The following SLC49A4 variants were observed in gnomAD, a reference collection of about 807,000 sequenced individuals.
SLC49A4 encodes the protein solute carrier family 49 member 4, also known as disrupted in renal cancer protein 2.
Under a neutral mutation model 50.6 loss-of-function variants are expected in SLC49A4, and 36 were observed. That is an observed-to-expected ratio of 0.71 (90% CI 0.55 to 0.94). SLC49A4 has a LOEUF of 0.94. Among genes scored for constraint, SLC49A4 ranks in the 40% least tolerant of loss-of-function variants. The pLI, the probability that SLC49A4 is intolerant of heterozygous loss-of-function variation, is 0.00. For missense variants in SLC49A4, 503 were observed against 605.7 expected (o/e 0.83, Z 1.78); for synonymous variants, 248 against 241.2 (o/e 1.03, Z -0.26).
chr3:122,873,591 A>G (rs1399581739), intron 8 of SLC49A4, among the ~76,000 whole-genome samples: 3 of 152,236 alleles, frequency 2.0e-5, no homozygotes, highest in African/African-American at 4.8e-5. Context: ...TGAATTTCTT[A>G]ATATAATGAA....
chr3:122,818,692 C>T (rs1181608574), intron 2 of SLC49A4, among the ~76,000 whole-genome samples: 1 of 152,014 alleles, frequency 6.6e-6, no homozygotes, highest in African/African-American at 2.4e-5. Context: ...ACTTGTAATC[C>T]CAGCACTTTG....
At chr3:122,801,411 A>G (rs1936126063) in intron 1 of SLC49A4, among the ~76,000 whole-genome samples, 1 of 151,984 alleles carries the variant, frequency 6.6e-6, no homozygotes, top group Admixed American at 6.6e-5. Context: ...GCCAACATGT[A>G]GAAACCCCCT....
chr3:122,844,429 A>G (rs898197679), intron 4 of SLC49A4, among the ~76,000 whole-genome samples: 3 of 152,192 alleles, frequency 2.0e-5, no homozygotes, highest in Non-Finnish European at 4.4e-5. Flanking sequence ...TATCTGTATA[A>G]TAAACATTGA....
In SLC49A4 at chr3:122,795,117, A is replaced by C. The variant is rs891406; in HGVS notation, c.-76A>C. 1,102,012 of 1,250,040 alleles carry C rather than the reference A, an allele frequency of 0.88. 486,192 individuals are homozygous for C. The highest frequency in any genetic ancestry group is 0.99 in the East Asian group (30,625 of 31,082). The allele number at this position is 1,250,040 out of a possible 1,614,324, so 77.4% of individuals were successfully genotyped here. On this transcript the variant is annotated 5_prime_UTR_variant, in exon 1 of 9. Coordinates refer to ENST00000261038, the MANE Select transcript of SLC49A4 (RefSeq NM_032839.3). ...CAGCAGCCTCCGCCTCCTGCTGCTC[A>C]GGACTATTCTGCGCTGGGCTAGTCG...
chr3:122,822,053 A>T (rs1410252410), intron 2 of SLC49A4, among the ~76,000 whole-genome samples: 3 of 152,094 alleles, frequency 2.0e-5, no homozygotes, highest in Non-Finnish European at 4.4e-5. Context: ...CCTTAGCGCT[A>T]TGGGAGTGAG....
chr3:122,795,260 T>G lies in SLC49A4; in HGVS notation c.68T>G (p.Leu23Arg). 2 of 1,394,562 alleles carry G rather than the reference T, an allele frequency of 1.4e-6. No homozygotes were observed. Among genetic ancestry groups the G allele is most frequent in the Non-Finnish European group, 1.8e-6 (2 of 1,087,444 alleles). 86.4% of individuals were successfully genotyped at this position (1,394,562 alleles called of 1,614,324 possible). ...PLLGPGLGPG[L>R]GASWRSREAA... Reference sequence around the variant, plus strand: ...CTGGGGCCCGGGCTCGGGCCTGGGCTGGGGGCCTCCTGGAGAAGCCGGGAG... The same window carrying G: ...CTGGGGCCCGGGCTCGGGCCTGGGCGGGGGGCCTCCTGGAGAAGCCGGGAG... The change falls in exon 1 of 9, where the codon CTG (leucine) becomes CGG (arginine). Residue 23 changes from leucine to arginine, a missense_variant. Physicochemically the swap from Leu to Arg is moderately radical, Grantham distance 102. Transcript: ENST00000261038.
chr3:122,860,529 AAATAAT>A (rs1020166677), intron 7 of SLC49A4, among the ~76,000 whole-genome samples: 12 of 152,200 alleles, frequency 7.9e-5, no homozygotes, highest in African/African-American at 2.4e-4. Flanking sequence ...TATCACTGTT[AAATAAT>A]AATAATAATT....
intron 7 of SLC49A4, among the ~76,000 whole-genome samples, chr3:122,867,780 G>A (rs1937138456): frequency 6.6e-6 from 1 of 151,936 alleles, no homozygotes; most frequent in Non-Finnish European, 1.5e-5. Context: ...AGGAGATCGA[G>A]ACCATCCTGG....
Position 122,857,435 on chromosome 3 carries a change from C to G in SLC49A4, c.1010+1061C>G, listed in dbSNP as rs192500047. Among the ~76,000 whole-genome samples, 282 of 152,186 alleles carry G rather than the reference C, an allele frequency of 1.9e-3. 3 individuals are homozygous for G. Among genetic ancestry groups the G allele is most frequent in the Non-Finnish European group, 4.7e-4 (32 of 67,986 alleles). On this transcript the variant is annotated intron_variant, in intron 6 of 8. Transcript: ENST00000261038. ...CTCAAAAACAAAATTAGGCAATCAA[C>G]TTTACCATGAAGAGGAGAATCTAAT...
intron 2 of SLC49A4, among the ~76,000 whole-genome samples, chr3:122,808,870 A>G (rs1936260004): frequency 1.3e-5 from 2 of 152,218 alleles, no homozygotes; most frequent in Admixed American, 1.3e-4. Flanking sequence ...TATTCTGATT[A>G]TATTCTGGTC....
At chr3:122,795,661 T>G (rs941390024) in intron 1 of SLC49A4, 126 bp downstream of exon 1, 13 of 1,416,912 alleles carry the variant, frequency 9.2e-6, no homozygotes, top group Non-Finnish European at 1.2e-5. Flanking sequence ...GATAGAGTGT[T>G]GCTAGCATTC....
chr3:122,854,182 C>T (rs896440820), intron 5 of SLC49A4, among the ~76,000 whole-genome samples: 1 of 152,200 alleles, frequency 6.6e-6, no homozygotes, highest in Non-Finnish European at 1.5e-5. Context: ...ACAGAGAATT[C>T]TCTTGCCTCA....
At chr3:122,805,334 T>G (rs551011076) in intron 1 of SLC49A4, among the ~76,000 whole-genome samples, 1 of 152,302 alleles carries the variant, frequency 6.6e-6, no homozygotes, top group East Asian at 1.9e-4. Flanking sequence ...ATAAAGTAAT[T>G]CAGTTCATAT....
chr3:122,841,305 T>G (rs1936765919), intron 4 of SLC49A4, among the ~76,000 whole-genome samples: 1 of 152,258 alleles, frequency 6.6e-6, no homozygotes, highest in South Asian at 2.1e-4. Context: ...TTGTGAAGTT[T>G]GCAACATGCC....
At chr3:122,821,981 T>C (rs1456305453) in intron 2 of SLC49A4, among the ~76,000 whole-genome samples, 1 of 152,196 alleles carries the variant, frequency 6.6e-6, no homozygotes, top group Non-Finnish European at 1.5e-5. Flanking sequence ...AGTTGCATAT[T>C]TCAGTGACTG....
chr3:122,860,901 A>G (rs377183221), intron 7 of SLC49A4, among the ~76,000 whole-genome samples: 22 of 152,148 alleles, frequency 1.4e-4, no homozygotes, highest in African/African-American at 5.3e-4. Context: ...ATGTGAACAG[A>G]CTCTAGGGAA....
chr3:122,847,709 T>G (rs1285993310), intron 5 of SLC49A4, among the ~76,000 whole-genome samples: 1 of 152,048 alleles, frequency 6.6e-6, no homozygotes, highest in Non-Finnish European at 1.5e-5. Flanking sequence ...GACCCCTATT[T>G]GGCTGGGTGT....
intron 7 of SLC49A4, among the ~76,000 whole-genome samples, chr3:122,865,731 G>A (rs994856676): frequency 6.6e-6 from 1 of 152,172 alleles, no homozygotes; most frequent in African/African-American, 2.4e-5. Context: ...TAATAAAGGT[G>A]TAATCTAATA....
chr3:122,799,386 A>G (rs944913199), intron 1 of SLC49A4, among the ~76,000 whole-genome samples: 5 of 152,222 alleles, frequency 3.3e-5, no homozygotes, highest in African/African-American at 9.6e-5. Flanking sequence ...GTTCTGGAGA[A>G]GACTGTTTCT....
Sources: allele counts gnomAD v4.1 joint callset (sites outside exome capture counted in the v4.1 genomes callset), GRCh38; gene constraint gnomAD v4.1.1; transcripts MANE v1.5; gene names NCBI Gene and HGNC (gene_info 2026-07-23, HGNC 2026-07-21).